The following ZP2 variants were observed in gnomAD, a reference collection of about 807,000 sequenced individuals.
ZP2 encodes the protein zona pellucida sperm-binding protein 2.
A neutral mutation model predicts 84.0 loss-of-function variants in ZP2; 51 were observed. The observed-to-expected ratio is 0.61, with a 90% CI of 0.49 to 0.77. The LOEUF (loss-of-function observed/expected upper bound fraction) is 0.77. Among genes scored for constraint, ZP2 ranks in the 30% least tolerant of loss-of-function variants. The probability of loss-of-function intolerance (pLI) is 0.00; values close to 1 mark genes in which losing one functional copy is unlikely to be tolerated. For missense variants in ZP2, 909 were observed against 911.9 expected (o/e 1.00, Z 0.04); for synonymous variants, 375 against 330.9 (o/e 1.13, Z -1.45).
At position 21,198,810 on chromosome 16, in the gene ZP2, A is replaced by G. The variant is rs1322767257; in HGVS notation, c.1980T>C (p.Ile660=). 6.2e-7 allele frequency: 1 copy of G among 1,614,022 alleles called. No individual in the cohort carries two copies. Among genetic ancestry groups the G allele is most frequent in the Non-Finnish European group, 8.5e-7 (1 of 1,179,982 alleles). The change falls in exon 17 of 19, where the codon ATT becomes ATC. Residue 660 remains isoleucine (I), a synonymous_variant. Coordinates refer to ENST00000574091, the MANE Select transcript of ZP2 (RefSeq NM_001376232.1). The part of the protein sequence containing the change: ...EKMTVSLPGP[I]LLLSDDSSFR... ...ATGAGGAGTCATCTGACAACAGGAGAATGGGTCCTGGGAGGCTGACTGTCA... is the reference window on the plus strand; with the variant it reads ...ATGAGGAGTCATCTGACAACAGGAGGATGGGTCCTGGGAGGCTGACTGTCA...
At chr16:21,210,087 G>A in intron 3 of ZP2, 22 bp downstream of exon 3, 1 of 1,606,454 alleles carries the variant, frequency 6.2e-7, no homozygotes, top group Non-Finnish European at 8.5e-7. Context: ...AGGACTATGA[G>A]GAGATAACAC....
In ZP2 at chr16:21,205,294, T is replaced by C. The variant is rs1445829326; in HGVS notation, c.693+126A>G. 3.5e-6 allele frequency: 4 copies of C among 1,138,900 alleles called. No individual in the cohort carries two copies. The African/African-American group carries it at 6.2e-5, about 18-fold the overall frequency. 70.5% of individuals were successfully genotyped at this position (1,138,900 alleles called of 1,614,324 possible). A position where few individuals can be genotyped will look rare whatever the true frequency, so the allele number is the denominator to read the frequency against. ...AGGTGTGAATACCCAGCGAAGTGTT[T>C]GGCACTTAATAGGCATTAAAATGGG... On this transcript the variant is annotated intron_variant, in intron 7 of 18. Coordinates refer to ENST00000574091, the MANE Select transcript of ZP2 (RefSeq NM_001376232.1).
rs1371411135 is a variant in ZP2 at position 21,204,106 on chromosome 16, A to G, written c.896T>C (p.Leu299Pro). ...FENQNIDVSQ[L>P]HDNGIDLEAT... The stretch of plus-strand genomic sequence containing the variant: ...TTCTAGATCAATTCCATTGTCATGC[A>G]GCTGGCTCACATCAATGTTCTGGTT... Residue 299 changes from leucine to proline, a missense_variant, in exon 9 of 19, where the codon CTG becomes CCG. Coordinates refer to ENST00000574091, the MANE Select transcript of ZP2 (RefSeq NM_001376232.1). The G allele has an allele frequency of 1.2e-6, 2 of 1,614,088 alleles. No individual in the cohort carries two copies. The highest frequency in any genetic ancestry group is 4.5e-5 in the East Asian group (2 of 44,894).
intron 17 of ZP2, 55 bp downstream of exon 17, chr16:21,198,724 G>T: frequency 1.3e-6 from 2 of 1,486,482 alleles, no homozygotes; most frequent in Non-Finnish European, 9.4e-7. Flanking sequence ...TGACCGCTTG[G>T]CATAAAAAGC....
intron 4 of ZP2, among the ~76,000 whole-genome samples, chr16:21,207,417 A>G (rs749447756): frequency 1.3e-5 from 2 of 152,130 alleles, no homozygotes; most frequent in Non-Finnish European, 2.9e-5. Flanking sequence ...TTTTTCCATT[A>G]TGCATTAGCA....
At chr16:21,204,653 T>C (rs1172779179) in intron 7 of ZP2, among the ~76,000 whole-genome samples, 1 of 152,240 alleles carries the variant, frequency 6.6e-6, no homozygotes, top group East Asian at 1.9e-4. Flanking sequence ...AGATCTGTCC[T>C]TACCCCATAT....
chr16:21,204,534 G>A (rs997469175), intron 7 of ZP2, 130 bp from the exon 8 acceptor site: 7 of 702,580 alleles, frequency 1.0e-5, no homozygotes, highest in African/African-American at 9.0e-5. Context: ...TTAAGCATTT[G>A]TCTAATGACT....
At chr16:21,198,453 A>G (rs1236788730) in intron 17 of ZP2, among the ~76,000 whole-genome samples, 3 of 152,178 alleles carry the variant, frequency 2.0e-5, no homozygotes, top group African/African-American at 4.8e-5. Context: ...AAATAAACCT[A>G]TAGATATCCA....
chr16:21,208,944 G>A (rs962248058), intron 4 of ZP2, among the ~76,000 whole-genome samples: 1 of 152,164 alleles, frequency 6.6e-6, no homozygotes, highest in Non-Finnish European at 1.5e-5. Context: ...ATTAGTGGTA[G>A]AGCCAGGGCT....
At chr16:21,201,333 T>TTA (rs1235641905) in intron 14 of ZP2, 36 bp downstream of exon 14, 50 of 1,501,182 alleles carry the variant, frequency 3.3e-5, no homozygotes, top group Non-Finnish European at 4.4e-5. Context: ...TTTTGATGGA[T>TTA]TAGCTGGGTA....
At position 21,211,301 on chromosome 16, in the gene ZP2, A is replaced by G; in HGVS notation, c.151+6T>C. 6.2e-7 allele frequency: 1 copy of G among 1,613,460 alleles called. No homozygotes were observed. The highest frequency in any genetic ancestry group is 8.5e-7 in the Non-Finnish European group (1 of 1,179,464). ...TAAGAAGACTTCTGTCACCCAAGAG[A>G]CATACCTGGAAAGGCAGGATTTACC... On this transcript the variant is annotated splice_donor_region_variant and intron_variant, in intron 2 of 18. Coordinates refer to ENST00000574091, the MANE Select transcript of ZP2 (RefSeq NM_001376232.1).
chr16:21,204,271 T>C (rs2093239404), intron 8 of ZP2, 37 bp downstream of exon 8: 9 of 1,613,844 alleles, frequency 5.6e-6, no homozygotes, highest in Non-Finnish European at 7.6e-6. Context: ...TAGGACAATG[T>C]CTCCCACACT....
At chr16:21,203,806 G>A (rs751915701) in intron 9 of ZP2, 11 of 591,038 alleles carry the variant, frequency 1.9e-5, no homozygotes, top group Admixed American at 1.5e-4. Context: ...AGACTTAGAC[G>A]ATTTTTCATG....
Position 21,203,116 on chromosome 16 carries a change from G to T in ZP2, c.1099+9C>A, listed in dbSNP as rs187716957. ...AAGGTAGAACATGATTTTAATAAAA[G>T]GTCTTTACCTATAGAAACGGGTGAC... On this transcript the variant is annotated intron_variant, in intron 10 of 18. Coordinates refer to ENST00000574091, the MANE Select transcript of ZP2 (RefSeq NM_001376232.1). 8.5e-5 allele frequency: 137 copies of T among 1,609,416 alleles called. 1 individual carries two copies. In the East Asian group the frequency reaches 2.9e-3, roughly 34 times the overall value.
At chr16:21,197,686 A>G in intron 18 of ZP2, 64 bp from the exon 19 acceptor site, 2 of 1,609,026 alleles carry the variant, frequency 1.2e-6, no homozygotes, top group South Asian at 1.1e-5. Flanking sequence ...GAAGCCTTAC[A>G]TAAGGCTCCC....
chr16:21,208,851 C>T (rs1482491815), intron 4 of ZP2, among the ~76,000 whole-genome samples: 2 of 152,144 alleles, frequency 1.3e-5, no homozygotes, highest in Non-Finnish European at 2.9e-5. Context: ...GTCTTCATTA[C>T]CCCCATGGAG....
Position 21,205,428 on chromosome 16 carries a change from G to A in ZP2, c.685C>T (p.His229Tyr). 6.2e-7 allele frequency: 1 copy of A among 1,613,924 alleles called. No homozygotes were observed. The highest frequency in any genetic ancestry group is 8.5e-7 in the Non-Finnish European group (1 of 1,179,986). Reference sequence around the variant, plus strand: ...CAGACTTCCACACCTACCACATAGTGAGTCACTCCAGTGGCATTGAATGGC... The same window carrying A: ...CAGACTTCCACACCTACCACATAGTAAGTCACTCCAGTGGCATTGAATGGC... Reference protein sequence around the residue: ...HVPFNATGVTHYVQGNSHLYM... With the variant: ...HVPFNATGVTYYVQGNSHLYM... The change falls in exon 7 of 19, where the codon CAC becomes TAC. Residue 229 changes from histidine (H) to tyrosine (Y), a missense_variant. Coordinates refer to ENST00000574091, the MANE Select transcript of ZP2 (RefSeq NM_001376232.1).
At chr16:21,206,625 A>G (rs2075518) in intron 5 of ZP2, among the ~76,000 whole-genome samples, 18,696 of 152,164 alleles carry the variant, frequency 0.12, 1,433 homozygotes, top group Middle Eastern at 0.18. Flanking sequence ...ACCCTCAGTA[A>G]ATTCTTAGAG....
chr16:21,205,905 C>A, intron 5 of ZP2, 130 bp from the exon 6 acceptor site: 2 of 833,334 alleles, frequency 2.4e-6, no homozygotes, highest in Non-Finnish European at 4.0e-6. Flanking sequence ...AGCACATGAA[C>A]CCTGACTGTG....
Sources: gnomAD v4.1 joint callset for allele counts (sites outside exome capture counted in the v4.1 genomes callset) on GRCh38, gnomAD v4.1.1 for gene constraint, MANE v1.5 for transcripts, NCBI Gene and HGNC (gene_info 2026-07-23, HGNC 2026-07-21) for gene names.